Variants in REDIC1 observed in about 807,000 individuals in gnomAD.
The protein encoded by REDIC1 is HEI10 Interacting Protein 1.
At chr12:39,721,029 C>G in the REDIC1 span, 2 of 1,613,688 alleles carry the variant, frequency 1.2e-6, no homozygotes, top group Non-Finnish European at 1.7e-6. Flanking sequence ...TTTTGCAAAA[C>G]AAAACCAATG....
the REDIC1 span, chr12:39,721,248 C>T: frequency 6.2e-7 from 1 of 1,608,726 alleles, no homozygotes; most frequent in African/African-American, 1.3e-5. Context: ...ATAAGAACAA[C>T]TAATATTCTA....
the REDIC1 span, among the ~76,000 whole-genome samples, chr12:39,733,107 A>T: frequency 6.6e-6 from 1 of 151,058 alleles, no homozygotes. Flanking sequence ...TTATTTAAAG[A>T]TAAAACAGTT....
the REDIC1 span, among the ~76,000 whole-genome samples, chr12:39,874,615 C>CA: frequency 4.8e-3 from 488 of 101,054 alleles, 3 homozygotes; most frequent in East Asian, 8.7e-3. Context: ...AACTCCATCT[C>CA]AAAAAAAAAA....
the REDIC1 span, among the ~76,000 whole-genome samples, chr12:39,642,102 T>G: frequency 2.0e-5 from 3 of 151,878 alleles, no homozygotes; most frequent in Middle Eastern, 0.01. Flanking sequence ...TTCTGAAAGT[T>G]TTCTAGTTCT....
chr12:39,719,142 C>T, the REDIC1 span, among the ~76,000 whole-genome samples: 1 of 151,988 alleles, frequency 6.6e-6, no homozygotes, highest in Non-Finnish European at 1.5e-5. Flanking sequence ...GCAAATGAGG[C>T]CTTAGAAAGG....
chr12:39,696,776 A>G, the REDIC1 span, among the ~76,000 whole-genome samples: 4 of 152,106 alleles, frequency 2.6e-5, no homozygotes, highest in African/African-American at 9.7e-5. Context: ...GAAAAATGCA[A>G]TTGACATATT....
chr12:39,663,851 G>T, the REDIC1 span, among the ~76,000 whole-genome samples: 2 of 151,946 alleles, frequency 1.3e-5, no homozygotes, highest in African/African-American at 4.8e-5. Context: ...TAGTGGTGAT[G>T]AATCTCCTGC....
At chr12:39,651,156 T>A in the REDIC1 span, among the ~76,000 whole-genome samples, 1 of 152,164 alleles carries the variant, frequency 6.6e-6, no homozygotes, top group East Asian at 1.9e-4. Context: ...CAGTAATAGA[T>A]TAACAACAAT....
the REDIC1 span, among the ~76,000 whole-genome samples, chr12:39,701,502 A>T: frequency 6.6e-6 from 1 of 152,110 alleles, no homozygotes; most frequent in Non-Finnish European, 1.5e-5. Flanking sequence ...AGACTTTAAC[A>T]CCCCACTGTC....
At chr12:39,711,371 A>G in the REDIC1 span, among the ~76,000 whole-genome samples, 2 of 143,404 alleles carry the variant, frequency 1.4e-5, no homozygotes, top group Non-Finnish European at 1.6e-5. Context: ...ATATATACAC[A>G]TATACATATA....
chr12:39,740,627 C>T, the REDIC1 span, among the ~76,000 whole-genome samples: 1 of 151,948 alleles, frequency 6.6e-6, no homozygotes, highest in African/African-American at 2.4e-5. Flanking sequence ...ATAAATGGGT[C>T]ACAGAGAATC....
At chr12:39,733,946 G>A in the REDIC1 span, among the ~76,000 whole-genome samples, 1 of 152,116 alleles carries the variant, frequency 6.6e-6, no homozygotes, top group African/African-American at 2.4e-5. Flanking sequence ...GCGCTACTGG[G>A]GTATGAAAAA....
chr12:39,677,155 T>C, the REDIC1 span, among the ~76,000 whole-genome samples: 1 of 152,098 alleles, frequency 6.6e-6, no homozygotes, highest in Non-Finnish European at 1.5e-5. Context: ...AGTGTCAGAA[T>C]GAATAAAAAT....
At chr12:39,677,988 T>C in the REDIC1 span, among the ~76,000 whole-genome samples, 1 of 151,960 alleles carries the variant, frequency 6.6e-6, no homozygotes, top group African/African-American at 2.4e-5. Flanking sequence ...CATCAAAAAG[T>C]CTGGAAGTGC....
chr12:39,896,494 A>G, the REDIC1 span, among the ~76,000 whole-genome samples: 1 of 147,986 alleles, frequency 6.8e-6, no homozygotes, highest in Non-Finnish European at 1.5e-5. Context: ...ATATATGTAC[A>G]CATATATGTA....
At chr12:39,638,030 C>G in the REDIC1 span, among the ~76,000 whole-genome samples, 1 of 151,998 alleles carries the variant, frequency 6.6e-6, no homozygotes, top group Non-Finnish European at 1.5e-5. Flanking sequence ...GTGTATCTGT[C>G]TACCACCTTA....
At chr12:39,792,815 C>A in the REDIC1 span, among the ~76,000 whole-genome samples, 1,512 of 125,760 alleles carry the variant, frequency 0.012, 40 homozygotes, top group Non-Finnish European at 9.6e-3. Flanking sequence ...AAAAAAAAAA[C>A]CCCACATAAA....
the REDIC1 span, among the ~76,000 whole-genome samples, chr12:39,897,117 C>T: frequency 6.6e-6 from 1 of 152,100 alleles, no homozygotes; most frequent in Non-Finnish European, 1.5e-5. Flanking sequence ...TATCATTGTT[C>T]CTGTGAATTA....
chr12:39,691,134 A>G, the REDIC1 span, among the ~76,000 whole-genome samples: 1 of 152,144 alleles, frequency 6.6e-6, no homozygotes, highest in South Asian at 2.1e-4. Context: ...GAAGTGGAGG[A>G]TTGTGGGGAA....
Sources: allele counts gnomAD v4.1 joint callset (sites outside exome capture counted in the v4.1 genomes callset), GRCh38; gene constraint gnomAD v4.1.1; transcripts MANE v1.5; gene names NCBI Gene and HGNC (gene_info 2026-07-23, HGNC 2026-07-21).